Variants in FBXO3 observed in about 807,000 individuals in gnomAD.
FBXO3 encodes the protein F-box only protein 3.
Under a neutral mutation model 64.8 loss-of-function variants are expected in FBXO3, and 17 were observed. The ratio of observed to expected loss-of-function variants is 0.26; its 90% confidence interval spans 0.18 to 0.39. FBXO3 has a LOEUF of 0.39. FBXO3 is among the 10% of genes least tolerant of loss of function. The pLI is 1.00. For synonymous variants in FBXO3, 182 were observed against 201.6 expected (o/e 0.90, Z 0.82); for missense variants, 420 against 589.9 (o/e 0.71, Z 2.98).
chr11:33,764,685 G>T (rs2133617514), intron 3 of FBXO3, among the ~76,000 whole-genome samples: 1 of 152,226 alleles, frequency 6.6e-6, no homozygotes, highest in East Asian at 1.9e-4. Context: ...TCTCAAAACT[G>T]TCAAGGTGCT....
chr11:33,759,015 C>T (rs370988360), intron 3 of FBXO3, among the ~76,000 whole-genome samples: 53 of 152,058 alleles, frequency 3.5e-4, no homozygotes, highest in African/African-American at 1.1e-3. Context: ...AAATATAGGA[C>T]ATAAGGTATG....
chr11:33,747,749 TGATCC>T (rs987579740), intron 9 of FBXO3, among the ~76,000 whole-genome samples: 10 of 152,094 alleles, frequency 6.6e-5, no homozygotes, highest in Non-Finnish European at 1.2e-4. Flanking sequence ...TGACCTCAGG[TGATCC>T]GCCCACCTTG....
chr11:33,774,335 CT>C lies in FBXO3; in HGVS notation c.104+58del, dbSNP rs908282217. 1.5e-5 allele frequency: 21 copies of C among 1,420,980 alleles called. No individual in the cohort carries two copies. In the African/African-American group the frequency reaches 2.6e-4, roughly 18 times the overall value. 88.0% of individuals were successfully genotyped at this position (1,420,980 alleles called of 1,614,324 possible). On this transcript the variant is annotated intron_variant, in intron 1 of 10. Transcript: ENST00000265651. ...TCAGCGGCCCCGACCCCCTTTCCCCCTGCCTCACCGCCTCCTCTCCCCATGC... is the reference window on the plus strand; with the variant it reads ...TCAGCGGCCCCGACCCCCTTTCCCCCGCCTCACCGCCTCCTCTCCCCATGC...
At chr11:33,764,823 A>C (rs1263368239) in intron 3 of FBXO3, among the ~76,000 whole-genome samples, 1 of 151,968 alleles carries the variant, frequency 6.6e-6, no homozygotes, top group Non-Finnish European at 1.5e-5. Flanking sequence ...AAAATACAAA[A>C]ATTAGCCAGG....
chr11:33,751,082 C>T (rs1854944407), intron 7 of FBXO3, among the ~76,000 whole-genome samples: 1 of 152,186 alleles, frequency 6.6e-6, no homozygotes, highest in Admixed American at 6.5e-5. Context: ...TCTATCATTT[C>T]TGCCAACCAG....
At chr11:33,774,037 A>C in intron 1 of FBXO3, 1 of 275,596 alleles carries the variant, frequency 3.6e-6, no homozygotes, top group Non-Finnish European at 7.0e-6. Flanking sequence ...AGCAGCAGGG[A>C]CTGACCCCAA....
intron 8 of FBXO3, 24 bp from the exon 9 acceptor site, chr11:33,748,916 G>A (rs1209932258): frequency 6.6e-7 from 1 of 1,513,796 alleles, no homozygotes; most frequent in Non-Finnish European, 9.2e-7. Context: ...TGGGGTGGTA[G>A]AGACAAAAAT....
intron 2 of FBXO3, among the ~76,000 whole-genome samples, chr11:33,769,383 G>A (rs1287893183): frequency 1.3e-5 from 2 of 151,388 alleles, no homozygotes; most frequent in East Asian, 1.9e-4. Flanking sequence ...AGAATCTTGT[G>A]ATATAATAAT....
chr11:33,749,457 C>T (rs550120034), intron 8 of FBXO3, among the ~76,000 whole-genome samples: 1 of 151,354 alleles, frequency 6.6e-6, no homozygotes, highest in South Asian at 2.1e-4. Flanking sequence ...ACCTCCTAGG[C>T]TGAAGCCATT....
intron 4 of FBXO3, among the ~76,000 whole-genome samples, chr11:33,757,502 A>G (rs1463320351): frequency 2.1e-5 from 3 of 139,556 alleles, no homozygotes; most frequent in African/African-American, 8.4e-5. Context: ...ATAAAAGTTT[A>G]TAAAACAAAT....
intron 8 of FBXO3, 84 bp from the exon 9 acceptor site, chr11:33,748,976 C>T (rs1389997048): frequency 2.7e-6 from 2 of 738,616 alleles, no homozygotes; most frequent in Non-Finnish European, 4.2e-6. Flanking sequence ...CAGGCTAATA[C>T]TATGAAGAAA....
At chr11:33,770,683 G>A (rs1855490331) in intron 2 of FBXO3, 58 bp downstream of exon 2, 7 of 1,278,180 alleles carry the variant, frequency 5.5e-6, no homozygotes, top group Admixed American at 5.1e-5. Flanking sequence ...GGACAAACTA[G>A]TGTTATGGAA....
intron 3 of FBXO3, among the ~76,000 whole-genome samples, chr11:33,764,015 A>C (rs1855307197): frequency 6.6e-6 from 1 of 152,244 alleles, no homozygotes; most frequent in Non-Finnish European, 1.5e-5. Flanking sequence ...ATAACCCAGC[A>C]AACTCAATGC....
intron 6 of FBXO3, among the ~76,000 whole-genome samples, chr11:33,752,031 G>A (rs1308417627): frequency 1.3e-5 from 2 of 152,214 alleles, no homozygotes; most frequent in African/African-American, 4.8e-5. Flanking sequence ...CCTGGTCCAG[G>A]TACATCCTGA....
chr11:33,757,587 C>T (rs950947153), intron 4 of FBXO3, among the ~76,000 whole-genome samples: 5 of 128,198 alleles, frequency 3.9e-5, no homozygotes, highest in South Asian at 5.1e-4. Flanking sequence ...GGGAGGCAGA[C>T]GCAGGAGGAC....
intron 3 of FBXO3, among the ~76,000 whole-genome samples, chr11:33,763,635 A>G (rs1298332884): frequency 5.9e-4 from 89 of 151,302 alleles, no homozygotes; most frequent in African/African-American, 2.0e-3. Context: ...ACAAAAAAAA[A>G]AAAAAAAAAA....
At chr11:33,746,945 G>A in intron 10 of FBXO3, 185 bp downstream of exon 10, 2 of 1,447,876 alleles carry the variant, frequency 1.4e-6, no homozygotes, top group Non-Finnish European at 1.8e-6. Flanking sequence ...TCTCTGGTTA[G>A]AGACTATGGA....
rs1025082836 is a variant in FBXO3, at chr11:33,750,638, A to G, written c.833T>C (p.Val278Ala). 1 of 1,613,400 alleles carries G rather than the reference A, an allele frequency of 6.2e-7. No individual in the cohort carries two copies. The highest frequency in any genetic ancestry group is 8.5e-7 in the Non-Finnish European group (1 of 1,179,526). ...CACAGTAATATCCCCAGTTGTTGCT[A>G]CACATTCTGGATCGTGAACATATCT... Reference protein sequence around the residue: ...IFRYVHDPECVATTGDITVSV... With the variant: ...IFRYVHDPECAATTGDITVSV... Residue 278 changes from valine (V) to alanine (A), a missense_variant, in exon 8 of 11, where the codon GTA becomes GCA. Val to Ala is a moderately conservative substitution (Grantham distance 64). This residue lies in a region of FBXO3 where 337 missense variants were observed against 518.4 expected (regional missense o/e 0.65). Transcript: ENST00000265651.
At chr11:33,765,238 T>C (rs1019573421) in intron 3 of FBXO3, among the ~76,000 whole-genome samples, 2 of 152,158 alleles carry the variant, frequency 1.3e-5, no homozygotes, top group African/African-American at 4.8e-5. Flanking sequence ...GAGGGGTGTA[T>C]AGAACTCTCT....
Sources: gnomAD v4.1 joint callset for allele counts (sites outside exome capture counted in the v4.1 genomes callset) on GRCh38, gnomAD v4.1.1 for gene constraint, gnomAD v4.1.1 regional missense constraint, MANE v1.5 for transcripts, NCBI Gene and HGNC (gene_info 2026-07-23, HGNC 2026-07-21) for gene names.